Variants in NOS1AP observed in about 807,000 individuals in gnomAD.
NOS1AP encodes nitric oxide synthase 1 adaptor protein, also known as carboxyl-terminal PDZ ligand of neuronal nitric oxide synthase protein.
NOS1AP carries 21 observed loss-of-function variants against 56.2 expected under a neutral mutation model. The observed-to-expected ratio is 0.37, with a 90% CI of 0.26 to 0.54. The LOEUF is 0.54. Ranked by LOEUF, NOS1AP falls within the 20% of genes least tolerant of loss-of-function variation. The probability of loss-of-function intolerance (pLI) is 0.84; values close to 1 mark genes in which losing one functional copy is unlikely to be tolerated. For synonymous variants in NOS1AP, 270 were observed against 274.6 expected (o/e 0.98, Z 0.17); for missense variants, 522 against 657.8 (o/e 0.79, Z 2.26).
intron 2 of NOS1AP, among the ~76,000 whole-genome samples, chr1:162,180,337 C>CG (rs1380852856): frequency 1.3e-5 from 2 of 152,100 alleles, no homozygotes; most frequent in East Asian, 3.9e-4. Context: ...CTCCGCCTCC[C>CG]GGGTTCACGC....
chr1:162,264,480 C>T (rs1409468104), intron 2 of NOS1AP, among the ~76,000 whole-genome samples: 11 of 102,902 alleles, frequency 1.1e-4, no homozygotes, highest in South Asian at 4.4e-4. Flanking sequence ...CCTCCCCTCC[C>T]CTCCCCTCTC....
intron 7 of NOS1AP, among the ~76,000 whole-genome samples, chr1:162,356,446 C>T (rs974949182): frequency 6.6e-6 from 1 of 152,174 alleles, no homozygotes; most frequent in Non-Finnish European, 1.5e-5. Flanking sequence ...AGGTAGCCCC[C>T]TCACATGGCC....
At chr1:162,155,980 T>G (rs1368833473) in intron 2 of NOS1AP, among the ~76,000 whole-genome samples, 2 of 152,234 alleles carry the variant, frequency 1.3e-5, no homozygotes, top group African/African-American at 4.8e-5. Flanking sequence ...TTGTTAATTT[T>G]ACTTTCAGCC....
At chr1:162,327,539 G>T (rs531948305) in intron 4 of NOS1AP, among the ~76,000 whole-genome samples, 26 of 152,210 alleles carry the variant, frequency 1.7e-4, no homozygotes, top group Non-Finnish European at 2.9e-4. Context: ...GATGGTCTGT[G>T]AGAACTTGGA....
intron 2 of NOS1AP, among the ~76,000 whole-genome samples, chr1:162,194,559 A>G (rs1362506601): frequency 6.6e-6 from 1 of 152,046 alleles, no homozygotes; most frequent in East Asian, 1.9e-4. Context: ...CAAGGTTTGT[A>G]CTCTGTTCCA....
intron 2 of NOS1AP, among the ~76,000 whole-genome samples, chr1:162,198,527 C>G (rs1238610470): frequency 6.6e-6 from 1 of 152,182 alleles, no homozygotes; most frequent in Non-Finnish European, 1.5e-5. Flanking sequence ...GAAAACGATG[C>G]AGGGTCTTGA....
At chr1:162,338,128 C>CTG (rs1266146477) in intron 5 of NOS1AP, among the ~76,000 whole-genome samples, 1 of 152,078 alleles carries the variant, frequency 6.6e-6, no homozygotes, top group Non-Finnish European at 1.5e-5. Flanking sequence ...TCTTGTATTG[C>CTG]TGTGATAGAT....
intron 2 of NOS1AP, among the ~76,000 whole-genome samples, chr1:162,200,738 A>C (rs1353995252): frequency 6.6e-6 from 1 of 152,154 alleles, no homozygotes; most frequent in African/African-American, 2.4e-5. Context: ...GGTGAATTTC[A>C]TCTTTACCTT....
intron 1 of NOS1AP, among the ~76,000 whole-genome samples, chr1:162,132,539 C>T (rs1217752611): frequency 6.6e-6 from 1 of 152,198 alleles, no homozygotes; most frequent in Non-Finnish European, 1.5e-5. Context: ...TGCCTTTGGA[C>T]AGGATTATCT....
chr1:162,086,696 A>G (rs1256600712), intron 1 of NOS1AP, among the ~76,000 whole-genome samples: 2 of 152,160 alleles, frequency 1.3e-5, no homozygotes, highest in African/African-American at 4.8e-5. Context: ...GCTTCCCCTG[A>G]CCAGCCGAAC....
Position 162,171,665 on chromosome 1 carries a change from C to G in NOS1AP, c.177+17189C>G, listed in dbSNP as rs534206259. Among the ~76,000 whole-genome samples the G allele has an allele frequency of 2.0e-5, 3 of 152,312 alleles. No homozygotes were observed. In the East Asian group the frequency reaches 5.8e-4, roughly 29 times the overall value. On this transcript the variant is annotated intron_variant, in intron 2 of 9. Coordinates refer to ENST00000361897, the MANE Select transcript of NOS1AP (RefSeq NM_014697.3). ...CTGTAAGTGAGCTCTTAGGCCCTCA[C>G]CCTTTATTAAGGTCTTTCATCAGGC...
chr1:162,155,778 A>C (rs559105764), intron 2 of NOS1AP, among the ~76,000 whole-genome samples: 1 of 152,174 alleles, frequency 6.6e-6, no homozygotes, highest in African/African-American at 2.4e-5. Flanking sequence ...GTACTTGTGC[A>C]TTTCAAAGGT....
intron 2 of NOS1AP, among the ~76,000 whole-genome samples, chr1:162,236,697 G>A (rs1432888916): frequency 6.6e-6 from 1 of 152,092 alleles, no homozygotes; most frequent in Non-Finnish European, 1.5e-5. Flanking sequence ...GTGTATTCCT[G>A]CATTCCTCAA....
intron 5 of NOS1AP, among the ~76,000 whole-genome samples, chr1:162,341,397 C>A (rs1249003550): frequency 1.3e-5 from 2 of 152,148 alleles, no homozygotes; most frequent in Non-Finnish European, 2.9e-5. Flanking sequence ...CTAACTCAGT[C>A]TTTGCAGATA....
At chr1:162,304,808 G>GTA (rs1374628299) in intron 4 of NOS1AP, among the ~76,000 whole-genome samples, 1 of 151,446 alleles carries the variant, frequency 6.6e-6, no homozygotes, top group East Asian at 1.9e-4. Flanking sequence ...GTGTGTGTGT[G>GTA]TGTATGAGGA....
chr1:162,243,704 T>G (rs963404845), intron 2 of NOS1AP, among the ~76,000 whole-genome samples: 13 of 152,228 alleles, frequency 8.5e-5, no homozygotes, highest in Non-Finnish European at 1.2e-4. Flanking sequence ...TCTTCCTTAA[T>G]TAATGTTTCT....
intron 2 of NOS1AP, among the ~76,000 whole-genome samples, chr1:162,251,869 G>GTTTTTTT (rs57313228): frequency 1.6e-4 from 13 of 82,124 alleles, no homozygotes; most frequent in Non-Finnish European, 2.2e-4. Context: ...TTTTTTTTTT[G>GTTTTTTT]TTTTTTTTTT....
intron 3 of NOS1AP, among the ~76,000 whole-genome samples, chr1:162,293,120 T>TATCC (rs1655331243): frequency 6.6e-6 from 1 of 152,226 alleles, no homozygotes; most frequent in South Asian, 2.1e-4. Flanking sequence ...CACGTTCCTA[T>TATCC]ATCCATAGGT....
At chr1:162,110,894 G>A (rs1647683176) in intron 1 of NOS1AP, among the ~76,000 whole-genome samples, 1 of 152,228 alleles carries the variant, frequency 6.6e-6, no homozygotes, top group Non-Finnish European at 1.5e-5. Context: ...ATCCAGGACT[G>A]TCTGATGCCA....
Sources: allele counts gnomAD v4.1 joint callset (sites outside exome capture counted in the v4.1 genomes callset), GRCh38; gene constraint gnomAD v4.1.1; transcripts MANE v1.5; gene names NCBI Gene and HGNC (gene_info 2026-07-23, HGNC 2026-07-21).